Variants in PAK1IP1 observed in about 807,000 individuals in gnomAD.
The protein encoded by PAK1IP1 is PAK1 interacting protein 1, also known as p21-activated protein kinase-interacting protein 1.
Under a neutral mutation model 42.0 loss-of-function variants are expected in PAK1IP1, and 24 were observed. The ratio of observed to expected loss-of-function variants is 0.57; its 90% confidence interval spans 0.41 to 0.80. PAK1IP1 has a LOEUF of 0.80. Among genes scored for constraint, PAK1IP1 ranks in the 30% least tolerant of loss-of-function variants. The probability of loss-of-function intolerance (pLI) is 0.00; values close to 1 mark genes in which losing one functional copy is unlikely to be tolerated. For missense variants in PAK1IP1, 411 were observed against 467.9 expected (o/e 0.88, Z 1.12); for synonymous variants, 154 against 156.7 (o/e 0.98, Z 0.13).
chr6:10,691,551 T>C (rs995915524), upstream of PAK1IP1, among the ~76,000 whole-genome samples: 2 of 152,230 alleles, frequency 1.3e-5, no homozygotes, highest in Middle Eastern at 6.8e-3. Flanking sequence ...GCCCAGAGTG[T>C]GGTGCCGAGC....
chr6:10,698,176 A>G (rs896595644), intron 2 of PAK1IP1, among the ~76,000 whole-genome samples: 1 of 152,206 alleles, frequency 6.6e-6, no homozygotes, highest in East Asian at 1.9e-4. Context: ...CTGTGTGCCA[A>G]GAAAGTAGAA....
upstream of PAK1IP1, among the ~76,000 whole-genome samples, chr6:10,693,706 C>T (rs1769563587): frequency 6.6e-6 from 1 of 152,152 alleles, no homozygotes; most frequent in South Asian, 2.1e-4. Flanking sequence ...TAAGACATAC[C>T]TGAATCTCTA....
intron 2 of PAK1IP1, among the ~76,000 whole-genome samples, chr6:10,698,737 C>T (rs535839839): frequency 7.2e-5 from 11 of 152,268 alleles, no homozygotes; most frequent in Non-Finnish European, 1.0e-4. Context: ...TTGGCAGCTA[C>T]GGATTGAGTA....
chr6:10,694,628 C>A, upstream of PAK1IP1: 4 of 195,998 alleles, frequency 2.0e-5, no homozygotes, highest in South Asian at 2.5e-4. Flanking sequence ...GCCCCACCTC[C>A]TCCTGATGTC....
Position 10,708,991 on chromosome 6 carries a change from T to C in PAK1IP1, c.879T>C (p.Asn293=), listed in dbSNP as rs773099192. Residue 293 remains asparagine (N), a synonymous_variant, in exon 9 of 10, where the codon AAT becomes AAC. Transcript: ENST00000379568. ...CTTTACTCTGTGAAATAAACACTAA[T>C]GCCAGGCTGACGTGTCTTGGAGTGT... ...PPSLLCEINT[N]ARLTCLGVWL... is the part of the protein sequence containing the mutation. The C allele has an allele frequency of 3.7e-5, 60 of 1,612,156 alleles. No individual in the cohort carries two copies. The highest frequency in any genetic ancestry group is 6.7e-5 in the Admixed American group (4 of 59,954).
At chr6:10,699,393 A>G (rs1290936641) in intron 2 of PAK1IP1, among the ~76,000 whole-genome samples, 1 of 152,096 alleles carries the variant, frequency 6.6e-6, no homozygotes. Flanking sequence ...TCTATGTGGT[A>G]ACGATGCCCA....
chr6:10,696,558 C>T (rs954568779), intron 1 of PAK1IP1, among the ~76,000 whole-genome samples: 1 of 152,214 alleles, frequency 6.6e-6, no homozygotes, highest in Non-Finnish European at 1.5e-5. Context: ...TGGCAATAAG[C>T]ACAGAGTTCC....
intron 7 of PAK1IP1, among the ~76,000 whole-genome samples, 156 bp from the exon 8 acceptor site, chr6:10,707,259 A>G (rs953604558): frequency 6.6e-6 from 1 of 152,222 alleles, no homozygotes; most frequent in African/African-American, 2.4e-5. Context: ...CATTAATGGG[A>G]ATGCGAAGCA....
chr6:10,705,210 C>T (rs995517685), intron 7 of PAK1IP1, among the ~76,000 whole-genome samples: 2 of 151,940 alleles, frequency 1.3e-5, no homozygotes, highest in African/African-American at 4.8e-5. Context: ...CCCAGTTACT[C>T]GAGAGGGTGA....
intron 1 of PAK1IP1, 81 bp from the exon 2 acceptor site, chr6:10,697,243 G>A (rs1172206324): frequency 1.7e-6 from 2 of 1,153,714 alleles, no homozygotes; most frequent in East Asian, 4.9e-5. Context: ...ATGGTTCCGT[G>A]ATTCATGAAA....
At chr6:10,697,186 T>C (rs570463712) in intron 1 of PAK1IP1, 138 bp from the exon 2 acceptor site, 1 of 724,318 alleles carries the variant, frequency 1.4e-6, no homozygotes, top group African/African-American at 1.8e-5. Flanking sequence ...GATCCATTGA[T>C]AGTTTTCATG....
intron 2 of PAK1IP1, among the ~76,000 whole-genome samples, chr6:10,699,200 CA>C (rs796680429): frequency 0.19 from 10,574 of 55,396 alleles, 560 homozygotes; most frequent in African/African-American, 0.38. Context: ...GACTCTGTCT[CA>C]AAAAAAAAAA....
At chr6:10,694,903 G>GTTTTT (rs878881986), upstream of PAK1IP1, 51 of 622,652 alleles carry the variant, frequency 8.2e-5, no homozygotes, top group South Asian at 3.7e-4. Context: ...GGAGTCAGGT[G>GTTTTT]TTTTTTTTTT....
intron 2 of PAK1IP1, among the ~76,000 whole-genome samples, chr6:10,701,555 C>G (rs1305188697): frequency 6.6e-6 from 1 of 152,058 alleles, no homozygotes; most frequent in Non-Finnish European, 1.5e-5. Flanking sequence ...ACCAAACTTT[C>G]CAAAGTGAGA....
At chr6:10,695,717 C>G (rs1453618714) in intron 1 of PAK1IP1, among the ~76,000 whole-genome samples, 1 of 152,188 alleles carries the variant, frequency 6.6e-6, no homozygotes, top group East Asian at 1.9e-4. Context: ...ATACTCACGA[C>G]TAGGAATCCG....
Position 10,702,500 on chromosome 6 carries a change from C to G in PAK1IP1, c.368+11C>G, listed in dbSNP as rs371077944. The G allele has an allele frequency of 1.2e-6, 2 of 1,614,006 alleles. No homozygotes were observed. Among genetic ancestry groups the G allele is most frequent in the African/African-American group, 1.3e-5 (1 of 74,926 alleles). On this transcript the variant is annotated intron_variant, in intron 3 of 9. Transcript: ENST00000379568. ...AATTAAAGCTCACAAGTGAGTCGGG[C>G]TCTTTCCCTTTGGCATTCTCGATGT...
intron 4 of PAK1IP1, 115 bp downstream of exon 4, chr6:10,702,754 T>C: frequency 1.4e-6 from 1 of 699,458 alleles, no homozygotes; most frequent in Middle Eastern, 3.3e-4. Context: ...AACCTTTTCA[T>C]AGTGGTTCAT....
chr6:10,695,729 C>A (rs887591328), intron 1 of PAK1IP1, among the ~76,000 whole-genome samples: 1 of 152,184 alleles, frequency 6.6e-6, no homozygotes, highest in Admixed American at 6.5e-5. Flanking sequence ...AGGAATCCGA[C>A]CTCCTAACAT....
intron 8 of PAK1IP1, among the ~76,000 whole-genome samples, chr6:10,708,272 A>G (rs1770265942): frequency 6.7e-6 from 1 of 149,004 alleles, no homozygotes. Context: ...GACATTTCAT[A>G]TATGGAATCA....
Sources: gnomAD v4.1 joint callset for allele counts (sites outside exome capture counted in the v4.1 genomes callset) on GRCh38, gnomAD v4.1.1 for gene constraint, MANE v1.5 for transcripts, NCBI Gene and HGNC (gene_info 2026-07-23, HGNC 2026-07-21) for gene names.